PDE4D: variants seen among roughly 807,000 people sequenced by gnomAD.
PDE4D encodes the protein phosphodiesterase 4D.
Under a neutral mutation model 87.4 loss-of-function variants are expected in PDE4D, and 24 were observed. The ratio of observed to expected loss-of-function variants is 0.27; its 90% CI spans 0.20 to 0.39. PDE4D has a LOEUF of 0.39. Among genes scored for constraint, PDE4D ranks in the 10% least tolerant of loss-of-function variants. The probability of loss-of-function intolerance (pLI) is 1.00; values close to 1 mark genes in which losing one functional copy is unlikely to be tolerated. For missense variants in PDE4D, 714 were observed against 1,041.0 expected (o/e 0.69, Z 4.32); for synonymous variants, 384 against 383.2 (o/e 1.00, Z -0.02).
chr5:60,445,188 AGAT>A (rs1278374237), intron 1 of PDE4D, among the ~76,000 whole-genome samples: 5 of 152,174 alleles, frequency 3.3e-5, no homozygotes, highest in African/African-American at 4.8e-5. Context: ...TCTGGTCAGG[AGAT>A]GATGAAAGAA....
chr5:60,223,711 G>A (rs1318366786), intron 1 of PDE4D, among the ~76,000 whole-genome samples: 1 of 152,066 alleles, frequency 6.6e-6, no homozygotes, highest in Non-Finnish European at 1.5e-5. Flanking sequence ...TTTCTAATTG[G>A]CTTACCGGCT....
intron 5 of PDE4D, among the ~76,000 whole-genome samples, chr5:59,087,878 T>C (rs1768006059): frequency 6.6e-6 from 1 of 152,178 alleles, no homozygotes; most frequent in Admixed American, 6.5e-5. Flanking sequence ...CTCAAGAATT[T>C]TCATTTCTGG....
intron 2 of PDE4D, among the ~76,000 whole-genome samples, chr5:60,076,604 G>A (rs765069553): frequency 1.3e-5 from 2 of 152,148 alleles, no homozygotes; most frequent in Non-Finnish European, 2.9e-5. Flanking sequence ...ACTCAACTCA[G>A]GACTCGTGGA....
chr5:59,363,506 T>C (rs1487810143), intron 1 of PDE4D, among the ~76,000 whole-genome samples: 3 of 152,204 alleles, frequency 2.0e-5, no homozygotes, highest in African/African-American at 7.2e-5. Context: ...AAAGGTCAGG[T>C]CACCTTCCTT....
intron 1 of PDE4D, among the ~76,000 whole-genome samples, chr5:59,394,771 C>A (rs1337856808): frequency 6.6e-6 from 1 of 152,162 alleles, no homozygotes; most frequent in Admixed American, 6.5e-5. Context: ...CAGCTCCCAG[C>A]CTGAGCGACG....
intron 2 of PDE4D, among the ~76,000 whole-genome samples, chr5:60,125,053 A>C (rs1034017222): frequency 1.3e-4 from 20 of 152,170 alleles, no homozygotes; most frequent in Non-Finnish European, 2.6e-4. Flanking sequence ...TCAAAACATT[A>C]GAGTGGCTTT....
At chr5:59,969,273 T>G in intron 3 of PDE4D, among the ~76,000 whole-genome samples, 1 of 152,156 alleles carries the variant, frequency 6.6e-6, no homozygotes, top group South Asian at 2.1e-4. Context: ...AAGAATGGCT[T>G]TTGTAGATCC....
intron 5 of PDE4D, among the ~76,000 whole-genome samples, chr5:59,084,555 T>C (rs1031940400): frequency 4.6e-5 from 7 of 151,520 alleles, no homozygotes; most frequent in Non-Finnish European, 7.4e-5. Flanking sequence ...CAAACATAAA[T>C]GAAAAGTTAA....
At chr5:59,388,562 C>T (rs531511) in intron 1 of PDE4D, among the ~76,000 whole-genome samples, 10 of 151,526 alleles carry the variant, frequency 6.6e-5, no homozygotes, top group African/African-American at 2.4e-4. Flanking sequence ...GCATTATTTA[C>T]AATAGCAAAG....
At chr5:59,802,776 A>G (rs1026277466) in intron 1 of PDE4D, among the ~76,000 whole-genome samples, 7 of 152,152 alleles carry the variant, frequency 4.6e-5, no homozygotes, top group East Asian at 1.9e-4. Context: ...GCAGGTGAGA[A>G]GCAGGGGCTA....
chr5:60,074,768 C>T (rs1224846683), intron 2 of PDE4D, among the ~76,000 whole-genome samples: 1 of 152,088 alleles, frequency 6.6e-6, no homozygotes, highest in Non-Finnish European at 1.5e-5. Flanking sequence ...TATCCTTCTT[C>T]ATCTTTTTTG....
At chr5:59,348,513 C>A (rs777265425) in intron 1 of PDE4D, among the ~76,000 whole-genome samples, 1 of 151,306 alleles carries the variant, frequency 6.6e-6, no homozygotes, top group Non-Finnish European at 1.5e-5. Context: ...CTGTTCTGTT[C>A]ATTTTTGAAT....
chr5:60,477,600 G>C (rs1410214820), intron 1 of PDE4D, among the ~76,000 whole-genome samples: 1 of 152,132 alleles, frequency 6.6e-6, no homozygotes, highest in African/African-American at 2.4e-5. Flanking sequence ...GCCTTCCTAT[G>C]TATGCACACT....
intron 6 of PDE4D, chr5:59,002,122 AC>A (rs1266294573): frequency 1.0e-5 from 5 of 495,896 alleles, no homozygotes; most frequent in African/African-American, 9.8e-5. Flanking sequence ...ATAGAAAGTA[AC>A]TTTAATATCA....
chr5:59,573,099 G>C (rs1822156924), intron 1 of PDE4D, among the ~76,000 whole-genome samples: 1 of 152,168 alleles, frequency 6.6e-6, no homozygotes, highest in Non-Finnish European at 1.5e-5. Context: ...GAAGCTTAGT[G>C]AGAACTTTAC....
chr5:60,318,177 G>A (rs934212889), intron 1 of PDE4D, among the ~76,000 whole-genome samples: 2 of 152,142 alleles, frequency 1.3e-5, no homozygotes, highest in South Asian at 2.1e-4. Flanking sequence ...CCTGTATTAG[G>A]TGCATATATA....
intron 1 of PDE4D, among the ~76,000 whole-genome samples, chr5:59,821,679 T>C (rs1206745715): frequency 6.6e-6 from 1 of 152,224 alleles, no homozygotes; most frequent in Non-Finnish European, 1.5e-5. Flanking sequence ...TAATTTTAAC[T>C]TCATCATTTC....
chr5:60,067,433 C>G (rs2152893221), intron 2 of PDE4D, among the ~76,000 whole-genome samples: 2 of 152,008 alleles, frequency 1.3e-5, no homozygotes, highest in Middle Eastern at 6.8e-3. Context: ...CTCTATGTCT[C>G]AAAATAATAA....
rs560887386 is a variant in PDE4D, at chr5:59,777,074, C to T, written c.455+116094G>A. Among the ~76,000 whole-genome samples, 21 of 152,302 alleles carry T rather than the reference C, an allele frequency of 1.4e-4. No homozygotes were observed. In the East Asian group the frequency reaches 3.1e-3, roughly 22 times the overall value. ...CCTTAACTCGACTTTCCACAAACAT[C>T]TCCTTGAACATAGCTGATAGATAAT... On this transcript the variant is annotated intron_variant, in intron 1 of 14. Transcript: ENST00000340635.
Sources: allele counts gnomAD v4.1 joint callset (sites outside exome capture counted in the v4.1 genomes callset), GRCh38; gene constraint gnomAD v4.1.1; transcripts MANE v1.5; gene names NCBI Gene and HGNC (gene_info 2026-07-23, HGNC 2026-07-21).